COLGALT2: variants seen among roughly 807,000 people sequenced by gnomAD.
COLGALT2 encodes procollagen galactosyltransferase 2.
Under a neutral mutation model 73.4 loss-of-function variants are expected in COLGALT2, and 49 were observed. The ratio of observed to expected loss-of-function variants is 0.67; its 90% confidence interval spans 0.53 to 0.85. COLGALT2 has a LOEUF of 0.85. COLGALT2 is among the 40% of genes least tolerant of loss of function. The pLI is 0.00. For missense variants in COLGALT2, 722 were observed against 790.2 expected (o/e 0.91, Z 1.03); for synonymous variants, 295 against 307.6 (o/e 0.96, Z 0.43).
intron 1 of COLGALT2, among the ~76,000 whole-genome samples, chr1:184,029,845 C>T (rs1649453153): frequency 6.6e-6 from 1 of 152,110 alleles, no homozygotes; most frequent in Non-Finnish European, 1.5e-5. Context: ...CCACCCAGGG[C>T]ATGGCTGTAG....
intron 1 of COLGALT2, among the ~76,000 whole-genome samples, chr1:183,988,751 T>A (rs1172766008): frequency 6.6e-6 from 1 of 152,234 alleles, no homozygotes; most frequent in African/African-American, 2.4e-5. Context: ...TAATAGACAT[T>A]TGGGTGCTTT....
At chr1:183,979,554 C>A (rs1384562948) in intron 1 of COLGALT2, among the ~76,000 whole-genome samples, 1 of 152,052 alleles carries the variant, frequency 6.6e-6, no homozygotes, top group African/African-American at 2.4e-5. Context: ...CTATCTGCAG[C>A]TACTACTTAA....
intron 1 of COLGALT2, among the ~76,000 whole-genome samples, chr1:183,982,814 G>A (rs183938993): frequency 9.9e-5 from 15 of 152,220 alleles, no homozygotes; most frequent in African/African-American, 3.6e-4. Context: ...AAAAAAAATA[G>A]TCTAGGTAAT....
intron 1 of COLGALT2, among the ~76,000 whole-genome samples, chr1:184,019,337 T>C (rs1337382647): frequency 6.6e-6 from 1 of 152,200 alleles, no homozygotes. Flanking sequence ...ATTGAGACTT[T>C]TCCTCAGGAC....
At chr1:183,940,932 G>T in intron 10 of COLGALT2, 145 bp from the exon 11 acceptor site, 1 of 738,448 alleles carries the variant, frequency 1.4e-6, no homozygotes, top group South Asian at 1.7e-5. Context: ...ATCCAAAAGT[G>T]GATCCAATCG....
chr1:184,013,132 T>C (rs60817535), intron 1 of COLGALT2, among the ~76,000 whole-genome samples: 5,922 of 152,286 alleles, frequency 0.039, 373 homozygotes, highest in African/African-American at 0.14. Flanking sequence ...TTGGCCACCA[T>C]GGTGAAACCT....
At chr1:183,972,384 A>G (rs1239167266) in intron 4 of COLGALT2, among the ~76,000 whole-genome samples, 1 of 152,226 alleles carries the variant, frequency 6.6e-6, no homozygotes, top group Admixed American at 6.5e-5. Flanking sequence ...TTGAAATTAC[A>G]GGCATGAGAC....
In COLGALT2 at chr1:184,010,023, TTGC is replaced by T. The variant is rs150919215; in HGVS notation, c.263+27069_263+27071del. On this transcript the variant is annotated intron_variant, in intron 1 of 11. Coordinates refer to ENST00000361927, the MANE Select transcript of COLGALT2 (RefSeq NM_015101.4). ...CTGGAGGTACCAATGGAGTTGCCAG[TTGC>T]TGTCACTTCATCAAGGGGGAGGATC... Among the ~76,000 whole-genome samples the T allele has an allele frequency of 6.3e-3, 953 of 152,274 alleles. 5 individuals carry two copies. Among genetic ancestry groups the T allele is most frequent in the African/African-American group, 0.021 (876 of 41,562 alleles).
intron 1 of COLGALT2, among the ~76,000 whole-genome samples, chr1:183,981,570 T>A (rs919707128): frequency 3.3e-5 from 5 of 151,900 alleles, no homozygotes; most frequent in African/African-American, 9.7e-5. Flanking sequence ...GGCAGGAGAA[T>A]CGCTTGAACC....
At chr1:184,031,870 T>C (rs965511077) in intron 1 of COLGALT2, among the ~76,000 whole-genome samples, 1 of 151,810 alleles carries the variant, frequency 6.6e-6, no homozygotes, top group Non-Finnish European at 1.5e-5. Context: ...CTTCCTTAGT[T>C]CTTTATTTTT....
intron 1 of COLGALT2, among the ~76,000 whole-genome samples, chr1:184,018,623 T>G (rs1649079778): frequency 6.6e-6 from 1 of 152,220 alleles, no homozygotes; most frequent in Non-Finnish European, 1.5e-5. Context: ...TTTTTCAGAC[T>G]ATACAAATTC....
chr1:184,001,024 G>A (rs745467498), intron 1 of COLGALT2, among the ~76,000 whole-genome samples: 51 of 152,050 alleles, frequency 3.4e-4, no homozygotes, highest in Admixed American at 1.6e-3. Flanking sequence ...TAGTAGAGAC[G>A]GGGTTTCACT....
intron 1 of COLGALT2, among the ~76,000 whole-genome samples, chr1:184,006,312 C>T (rs192355585): frequency 5.9e-5 from 9 of 152,168 alleles, no homozygotes; most frequent in South Asian, 2.1e-4. Flanking sequence ...GGGCCGGGCA[C>T]GGTGGCTCAG....
chr1:183,975,248 T>G, intron 2 of COLGALT2, 34 bp from the exon 3 acceptor site: 1 of 1,330,440 alleles, frequency 7.5e-7, no homozygotes, highest in Non-Finnish European at 1.1e-6. Flanking sequence ...CATTATTGAG[T>G]GCCTACATGT....
chr1:184,032,335 G>A (rs544201072), intron 1 of COLGALT2, among the ~76,000 whole-genome samples: 1 of 152,282 alleles, frequency 6.6e-6, no homozygotes, highest in South Asian at 2.1e-4. Flanking sequence ...AGATTCAAAA[G>A]AAATAGCAAC....
At chr1:183,930,367 T>G (rs1669815408) in intron 11 of COLGALT2, 4 of 451,054 alleles carry the variant, frequency 8.9e-6, no homozygotes, top group South Asian at 4.7e-5. Context: ...TTTAATTTTG[T>G]CTAGAACTAG....
At chr1:184,000,489 A>G (rs1409547359) in intron 1 of COLGALT2, among the ~76,000 whole-genome samples, 1 of 135,526 alleles carries the variant, frequency 7.4e-6, no homozygotes, top group Non-Finnish European at 1.6e-5. Flanking sequence ...AACTATAGTC[A>G]CCCCCATCCC....
chr1:184,010,777 G>A (rs540852131), intron 1 of COLGALT2, among the ~76,000 whole-genome samples: 2 of 152,306 alleles, frequency 1.3e-5, no homozygotes, highest in East Asian at 3.9e-4. Context: ...GAACTTCAAG[G>A]TTTCTTTGAA....
intron 8 of COLGALT2, among the ~76,000 whole-genome samples, chr1:183,949,849 C>A (rs1047639478): frequency 2.1e-4 from 32 of 152,168 alleles, no homozygotes; most frequent in African/African-American, 7.7e-4. Flanking sequence ...AAAGGACTTG[C>A]ATCCAGGATA....
Sources: gnomAD v4.1 joint callset for allele counts (sites outside exome capture counted in the v4.1 genomes callset) on GRCh38, gnomAD v4.1.1 for gene constraint, MANE v1.5 for transcripts, NCBI Gene and HGNC (gene_info 2026-07-23, HGNC 2026-07-21) for gene names.